APLN: variants seen among roughly 807,000 people sequenced by gnomAD.
APLN encodes apelin, also known as AGTRL1 ligand.
Under a neutral mutation model 4.3 loss-of-function variants are expected in APLN, and 2 were observed. That is an observed-to-expected ratio of 0.46 (90% CI 0.19 to 1.45). The LOEUF (loss-of-function observed/expected upper bound fraction) is 1.45. Ranked by LOEUF, APLN falls within the 40% of genes most tolerant of loss-of-function variation. The probability of loss-of-function intolerance (pLI) is 0.25; values close to 1 mark genes in which losing one functional copy is unlikely to be tolerated. For synonymous variants in APLN, 34 were observed against 30.4 expected (o/e 1.12, Z -0.38); for missense variants, 80 against 70.0 (o/e 1.14, Z -0.51).
chrX:129,652,052 G>C (rs980864539), intron 1 of APLN, among the ~76,000 whole-genome samples: 15 of 111,788 alleles, frequency 1.3e-4, no homozygotes, highest in African/African-American at 4.9e-4. Flanking sequence ...CGGGTGCTTA[G>C]TGCTGAGGAC....
intron 1 of APLN, among the ~76,000 whole-genome samples, chrX:129,649,147 G>A (rs1017788017): frequency 1.8e-5 from 2 of 111,071 alleles, no homozygotes; most frequent in East Asian, 2.8e-4. Context: ...TAATCACCAC[G>A]GCACCCCTGC....
chrX:129,649,928 A>G (rs1014147470), intron 1 of APLN, among the ~76,000 whole-genome samples: 3 of 111,359 alleles, frequency 2.7e-5, no homozygotes, highest in Admixed American at 9.5e-5. Context: ...CAGTCCATGC[A>G]GGGAAGCTGA....
At chrX:129,651,660 A>C (rs1936979341) in intron 1 of APLN, among the ~76,000 whole-genome samples, 1 of 112,083 alleles carries the variant, frequency 8.9e-6, no homozygotes, top group African/African-American at 3.2e-5. Context: ...AGTCAGGGGG[A>C]GGACAGGATT....
chrX:129,647,027 G>T lies in APLN; in HGVS notation c.*896C>A, dbSNP rs777511777. ...CCGGCTCTGCAATGACTCTGAGCAG[G>T]TCACTCCCCTCTCCAGGCTTCTGTT... On this transcript the variant is annotated 3_prime_UTR_variant, in exon 3 of 3. Transcript: ENST00000429967. 2 of 116,070 alleles carry T rather than the reference G, an allele frequency of 1.7e-5. No individual in the cohort carries two copies. The highest frequency in any genetic ancestry group is 6.4e-5 in the African/African-American group (2 of 31,021). The allele number at this position is 116,070 out of a possible 1,213,427, so 9.6% of individuals were successfully genotyped here.
intron 1 of APLN, among the ~76,000 whole-genome samples, chrX:129,649,019 C>T (rs1323796678): frequency 8.9e-6 from 1 of 112,277 alleles, no homozygotes; most frequent in Non-Finnish European, 1.9e-5. Context: ...ACTTTCTGTC[C>T]TTTTGACAGT....
chrX:129,653,770 C>A (rs773520245), intron 1 of APLN, among the ~76,000 whole-genome samples: 2 of 112,145 alleles, frequency 1.8e-5, no homozygotes, highest in Non-Finnish European at 3.8e-5. Flanking sequence ...TGGTGCCTAG[C>A]GGCAGGGAGA....
At chrX:129,652,841 G>T (rs1239821667) in intron 1 of APLN, among the ~76,000 whole-genome samples, 2 of 111,147 alleles carry the variant, frequency 1.8e-5, no homozygotes, top group Admixed American at 1.9e-4. Flanking sequence ...ATTGGCCAGG[G>T]GTCTCCCCAC....
At chrX:129,652,844 C>A (rs1053869642) in intron 1 of APLN, among the ~76,000 whole-genome samples, 2 of 111,394 alleles carry the variant, frequency 1.8e-5, no homozygotes, top group Middle Eastern at 4.6e-3. Flanking sequence ...GGCCAGGGGT[C>A]TCCCCACAGC....
At position 129,654,842 on chromosome X, in the gene APLN, C is replaced by T. The variant is rs1469801701; in HGVS notation, c.-212G>A. The T allele has an allele frequency of 4.9e-6, 1 of 202,396 alleles. No homozygotes were observed. The highest frequency in any genetic ancestry group is 9.0e-6 in the Non-Finnish European group (1 of 110,877). The allele number at this position is 202,396 out of a possible 1,213,427, so 16.7% of individuals were successfully genotyped here. On this transcript the variant is annotated 5_prime_UTR_variant, in exon 1 of 3. Transcript: ENST00000429967. ...CCTCCTCTCCCGCCGCGGGGCAGCG[C>T]CGCGAAGCTGGCCTCGGCGGCTCCG...
Position 129,647,541 on chromosome X carries a change from T to C in APLN, c.*382A>G. ...GCTGGAGCCCACAGAAGGGAGCACT[T>C]CCACCCCGCGCTCAGGGCAGACATG... On this transcript the variant is annotated 3_prime_UTR_variant, in exon 3 of 3. Coordinates refer to ENST00000429967, the MANE Select transcript of APLN (RefSeq NM_017413.5). 2.2e-6 allele frequency: 2 copies of C among 888,958 alleles called. No homozygotes were observed. Among genetic ancestry groups the C allele is most frequent in the Non-Finnish European group, 2.9e-6 (2 of 689,383 alleles). 73.3% of individuals were successfully genotyped at this position (888,958 alleles called of 1,213,427 possible). A position where few individuals can be genotyped will look rare whatever the true frequency, so the allele number is the denominator to read the frequency against.
At chrX:129,651,823 T>C in intron 1 of APLN, among the ~76,000 whole-genome samples, 1 of 112,200 alleles carries the variant, frequency 8.9e-6, no homozygotes, top group Middle Eastern at 4.6e-3. Context: ...CCCAAACGTA[T>C]GCTCCGGTGG....
Position 129,646,316 on chromosome X carries a change from C to A in APLN, c.*1607G>T, listed in dbSNP as rs950498167. The stretch of plus-strand genomic sequence containing the variant: ...CTTGGGGGGCCCTGACTCCCCCGTC[C>A]CCACACACACAAAGTTGGGCATCAG... On this transcript the variant is annotated 3_prime_UTR_variant, in exon 3 of 3. Transcript: ENST00000429967. 1.8e-5 allele frequency: 2 copies of A among 112,889 alleles called. No homozygotes were observed. The highest frequency in any genetic ancestry group is 3.8e-5 in the Non-Finnish European group (2 of 53,263). The allele number at this position is 112,889 out of a possible 1,213,427, so 9.3% of individuals were successfully genotyped here.
At position 129,647,853 on chromosome X, in the gene APLN, G is replaced by T; in HGVS notation, c.*70C>A. On this transcript the variant is annotated 3_prime_UTR_variant, in exon 3 of 3. Coordinates refer to ENST00000429967, the MANE Select transcript of APLN (RefSeq NM_017413.5). Reference sequence around the variant, plus strand: ...GCTGAATGGACGTGAGGCCTCCAGAGAAGCAGACCAATCTATGGAGGAGAC... The same window carrying T: ...GCTGAATGGACGTGAGGCCTCCAGATAAGCAGACCAATCTATGGAGGAGAC... 2.0e-6 allele frequency: 2 copies of T among 983,331 alleles called. No homozygotes were observed. Among genetic ancestry groups the T allele is most frequent in the Non-Finnish European group, 2.6e-6 (2 of 756,184 alleles). 81.0% of individuals were successfully genotyped at this position (983,331 alleles called of 1,213,427 possible).
At chrX:129,648,545 C>T (rs904379718) in intron 2 of APLN, 76 bp downstream of exon 2, 16 of 1,092,202 alleles carry the variant, frequency 1.5e-5, no homozygotes, top group Admixed American at 3.1e-5. Context: ...CAGTGATGAG[C>T]GGCAGGATCA....
intron 1 of APLN, 32 bp downstream of exon 1, chrX:129,654,532 C>T (rs1173438833): frequency 8.8e-7 from 1 of 1,140,880 alleles, no homozygotes; most frequent in Non-Finnish European, 1.2e-6. Context: ...ACGCCGGCTG[C>T]AGCCCGGGCG....
At position 129,648,724 on chromosome X, in the gene APLN, T is replaced by G. The variant is rs1936957413; in HGVS notation, c.136A>C (p.Arg46=). The G allele has an allele frequency of 1.7e-6, 2 of 1,177,280 alleles. No individual in the cohort carries two copies. Among genetic ancestry groups the G allele is most frequent in the Non-Finnish European group, 2.3e-6 (2 of 878,195 alleles). ...GGCCCTGGCCCATTCCTTGACCCTC[T>G]GGGCTGCACCAGGTGGCGGACATTG... ...DGNVRHLVQP[R]GSRNGPGPWQ... The change falls in exon 2 of 3, where the codon AGA becomes CGA. Residue 46 remains arginine (R), a synonymous_variant. Coordinates refer to ENST00000429967, the MANE Select transcript of APLN (RefSeq NM_017413.5).
intron 1 of APLN, among the ~76,000 whole-genome samples, chrX:129,650,515 T>C (rs1936972709): frequency 9.0e-6 from 1 of 111,544 alleles, no homozygotes; most frequent in Non-Finnish European, 1.9e-5. Context: ...TCCTTCCCTC[T>C]TTCCCCAAGA....
At chrX:129,648,827 T>C in intron 1 of APLN, 35 bp from the exon 2 acceptor site, 1 of 1,132,563 alleles carries the variant, frequency 8.8e-7, no homozygotes, top group South Asian at 2.1e-5. Context: ...GTGAGGAAGG[T>C]TGTTGGAAAC....
At chrX:129,647,984 AAGGAG>A in intron 2 of APLN, 67 bp from the exon 3 acceptor site, 1 of 967,071 alleles carries the variant, frequency 1.0e-6, no homozygotes, top group Non-Finnish European at 1.3e-6. Context: ...CTCCCCAGGA[AAGGAG>A]AGGAGAGAGG....
Sources: allele counts gnomAD v4.1 joint callset (sites outside exome capture counted in the v4.1 genomes callset), GRCh38; gene constraint gnomAD v4.1.1; transcripts MANE v1.5; gene names NCBI Gene and HGNC (gene_info 2026-07-23, HGNC 2026-07-21).